Variants in IFI44 observed in about 807,000 individuals in gnomAD.
IFI44 encodes interferon-induced protein 44.
A neutral mutation model predicts 45.0 loss-of-function variants in IFI44; 42 were observed. The observed-to-expected ratio is 0.93, with a 90% CI of 0.73 to 1.21. The LOEUF is 1.21. Among genes scored for constraint, IFI44 ranks in the 50% most tolerant of loss-of-function variants. The pLI, the probability that IFI44 is intolerant of heterozygous loss-of-function variation, is 0.00. For synonymous variants in IFI44, 221 were observed against 188.6 expected, an observed-to-expected ratio of 1.17 and a Z score of -1.41; for missense variants, 623 against 525.8, an observed-to-expected ratio of 1.18 and a Z score of -1.81.
At chr1:78,651,734 T>C (rs1265940198) in intron 2 of IFI44, among the ~76,000 whole-genome samples, 1 of 152,230 alleles carries the variant, frequency 6.6e-6, no homozygotes, top group African/African-American at 2.4e-5. Context: ...ACCACCATTC[T>C]AACTCTGCTT....
rs957953697 is a variant in IFI44, at chr1:78,660,876, G to T, written c.1113+222G>T. ...CTTTGCATTGTTACCAAAATCTGTGGATGCTTAATGGCATAGTATTTGTAT... is the reference window on the plus strand; with the variant it reads ...CTTTGCATTGTTACCAAAATCTGTGTATGCTTAATGGCATAGTATTTGTAT... On this transcript the variant is annotated intron_variant, in intron 7 of 8. Coordinates refer to ENST00000370747, the MANE Select transcript of IFI44 (RefSeq NM_006417.5). The T allele has an allele frequency of 1.3e-5, 7 of 523,404 alleles. 1 individual carries two copies. The South Asian group carries it at 1.4e-4, about 10-fold the overall frequency. The allele number at this position is 523,404 out of a possible 1,614,324, so 32.4% of individuals were successfully genotyped here.
rs367792129 is a variant in IFI44, at chr1:78,663,949, A to C, written c.*138A>C. On this transcript the variant is annotated 3_prime_UTR_variant, in exon 9 of 9. Coordinates refer to ENST00000370747, the MANE Select transcript of IFI44 (RefSeq NM_006417.5). The stretch of plus-strand genomic sequence containing the variant: ...TGTCTAGGATGAAGAAATGCATAGA[A>C]CATTGTAGTACTTGTAAATAACTAG... 1.3e-5 allele frequency: 7 copies of C among 545,168 alleles called. No individual in the cohort carries two copies. The highest frequency in any genetic ancestry group is 3.8e-5 in the Admixed American group (1 of 26,372). 33.8% of individuals were successfully genotyped at this position (545,168 alleles called of 1,614,324 possible).
At chr1:78,657,777 T>C (rs1401848859) in intron 5 of IFI44, among the ~76,000 whole-genome samples, 1 of 152,124 alleles carries the variant, frequency 6.6e-6, no homozygotes, top group Non-Finnish European at 1.5e-5. Context: ...ATTATTTTAT[T>C]GTTATTAAGA....
rs534850430 is a variant in IFI44, at chr1:78,662,825, G to A, written c.1235G>A (p.Arg412Gln). ...GTTCTAATTCTTTCTGCTCTGAGAC[G>A]AATGCTATGGGCTGCAGATGACTTC... ...KDVLILSALR[R>Q]MLWAADDFLE... Residue 412 changes from arginine to glutamine, a missense_variant, in exon 8 of 9, where the codon CGA (arginine) becomes CAA (glutamine). Physicochemically the swap from Arg to Gln is conservative, Grantham distance 43. Transcript: ENST00000370747. 1.2e-5 allele frequency: 19 copies of A among 1,613,628 alleles called. No individual in the cohort carries two copies. Among genetic ancestry groups the A allele is most frequent in the Admixed American group, 1.0e-4 (6 of 59,946 alleles).
At position 78,660,550 on chromosome 1, in the gene IFI44, A is replaced by T. The variant is rs1188012876; in HGVS notation, c.1013-4A>T. On this transcript the variant is annotated splice_region_variant and splice_polypyrimidine_tract_variant and intron_variant, in intron 6 of 8. Coordinates refer to ENST00000370747, the MANE Select transcript of IFI44 (RefSeq NM_006417.5). The stretch of plus-strand genomic sequence containing the variant: ...AATGATTTAAAAAATTCTGTTTGGC[A>T]TAGGTGTGGTACATGTGGCTTTGCT... 14 of 1,605,988 alleles carry T rather than the reference A, an allele frequency of 8.7e-6. No individual in the cohort carries two copies. The East Asian group carries it at 3.1e-4, about 36-fold the overall frequency.
chr1:78,663,748 T>C lies in IFI44; in HGVS notation c.1289-17T>C. 1 of 1,610,916 alleles carries C rather than the reference T, an allele frequency of 6.2e-7. No homozygotes were observed. Among genetic ancestry groups the C allele is most frequent in the South Asian group, 1.1e-5 (1 of 90,478 alleles). ...CTGAGATAATCCACTAAGAATATTT[T>C]GTGTTTCTTTTCTCAGGGAATCTAA... On this transcript the variant is annotated splice_polypyrimidine_tract_variant and intron_variant, in intron 8 of 8. Transcript: ENST00000370747.
intron 5 of IFI44, among the ~76,000 whole-genome samples, chr1:78,656,270 C>A (rs1647209659): frequency 1.3e-5 from 2 of 152,168 alleles, no homozygotes; most frequent in Admixed American, 1.3e-4. Flanking sequence ...TGTCAGTGAT[C>A]CAGGCAAGAG....
At chr1:78,660,895 T>C in intron 7 of IFI44, 1 of 482,490 alleles carries the variant, frequency 2.1e-6, no homozygotes, top group South Asian at 2.0e-5. Flanking sequence ...TGGCATAGTA[T>C]TTGTATTTGC....
At chr1:78,661,190 C>A (rs766784141) in intron 7 of IFI44, among the ~76,000 whole-genome samples, 10 of 152,162 alleles carry the variant, frequency 6.6e-5, no homozygotes, top group South Asian at 2.1e-4. Context: ...TGTCTCTCAG[C>A]AGCTGGGATT....
intron 5 of IFI44, among the ~76,000 whole-genome samples, chr1:78,657,555 G>A (rs1056838032): frequency 2.0e-5 from 3 of 151,992 alleles, no homozygotes; most frequent in African/African-American, 7.2e-5. Flanking sequence ...TTAATTCCTA[G>A]ATCCATTTAT....
In IFI44 at chr1:78,659,260, G is replaced by A; in HGVS notation, c.841-52G>A. The A allele has an allele frequency of 2.8e-6, 4 of 1,442,872 alleles. No individual in the cohort carries two copies. The Admixed American group carries it at 5.1e-5, about 18-fold the overall frequency. The allele number at this position is 1,442,872 out of a possible 1,614,324, so 89.4% of individuals were successfully genotyped here. ...TTGCACAGTGCCTGGTACATAGTTT[G>A]TGCTCATAAATATTTGTTGAATTAA... On this transcript the variant is annotated intron_variant, in intron 5 of 8. Coordinates refer to ENST00000370747, the MANE Select transcript of IFI44 (RefSeq NM_006417.5).
intron 5 of IFI44, 21 bp downstream of exon 5, chr1:78,655,532 A>C (rs754387943): frequency 4.4e-6 from 7 of 1,575,956 alleles, no homozygotes; most frequent in East Asian, 2.3e-5. Flanking sequence ...ACTAATGAGA[A>C]ATTATAACTG....
In IFI44 at chr1:78,660,539, TTC is replaced by T. The variant is rs766911536; in HGVS notation, c.1013-13_1013-12del. ...ATGCTCTCTAAAATGATTTAAAAAA[TTC>T]TGTTTGGCATAGGTGTGGTACATGT... is the stretch of plus-strand genomic sequence containing the variant. On this transcript the variant is annotated splice_polypyrimidine_tract_variant and intron_variant, in intron 6 of 8. Transcript: ENST00000370747. 5.1e-6 allele frequency: 8 copies of T among 1,583,608 alleles called. No homozygotes were observed. The East Asian group carries it at 1.8e-4, about 35-fold the overall frequency.
At chr1:78,659,025 T>C (rs1030373862) in intron 5 of IFI44, among the ~76,000 whole-genome samples, 3 of 151,982 alleles carry the variant, frequency 2.0e-5, no homozygotes, top group Admixed American at 1.3e-4. Flanking sequence ...GCCTCTCTTA[T>C]CTAGAACACT....
intron 5 of IFI44, 69 bp downstream of exon 5, chr1:78,655,580 G>T: frequency 3.8e-6 from 5 of 1,324,580 alleles, no homozygotes; most frequent in South Asian, 2.9e-5. Flanking sequence ...ATGTATCAGC[G>T]TTTATCTTCT....
At chr1:78,656,964 T>C (rs1647225790) in intron 5 of IFI44, among the ~76,000 whole-genome samples, 1 of 151,822 alleles carries the variant, frequency 6.6e-6, no homozygotes, top group South Asian at 2.1e-4. Context: ...CAAAAATTTT[T>C]GACTCACAGC....
chr1:78,656,178 C>A (rs1278300303), intron 5 of IFI44, among the ~76,000 whole-genome samples: 5 of 152,136 alleles, frequency 3.3e-5, no homozygotes, highest in Non-Finnish European at 7.4e-5. Context: ...TGTTTAAGCA[C>A]CCGATCTGTA....
chr1:78,654,065 T>A (rs1486084965), intron 2 of IFI44, among the ~76,000 whole-genome samples, 178 bp from the exon 3 acceptor site: 2 of 152,206 alleles, frequency 1.3e-5, no homozygotes, highest in Non-Finnish European at 2.9e-5. Flanking sequence ...TGAGATGATG[T>A]TAAAGAGATT....
At chr1:78,651,446 G>GT (rs1272494012) in intron 2 of IFI44, among the ~76,000 whole-genome samples, 1 of 152,128 alleles carries the variant, frequency 6.6e-6, no homozygotes, top group Admixed American at 6.5e-5. Context: ...AGGAAGCAGA[G>GT]TTCAGGCTGT....
Sources: gnomAD v4.1 joint callset for allele counts (sites outside exome capture counted in the v4.1 genomes callset) on GRCh38, gnomAD v4.1.1 for gene constraint, MANE v1.5 for transcripts, NCBI Gene and HGNC (gene_info 2026-07-23, HGNC 2026-07-21) for gene names.